The following FAM13C variants were observed in gnomAD, a reference collection of about 807,000 sequenced individuals.
The protein encoded by FAM13C is protein FAM13C.
FAM13C carries 37 observed loss-of-function variants against 73.2 expected under a neutral mutation model. The ratio of observed to expected loss-of-function variants is 0.51; its 90% CI spans 0.39 to 0.67. The LOEUF (loss-of-function observed/expected upper bound fraction) is 0.67. Ranked by LOEUF, FAM13C falls within the 30% of genes least tolerant of loss-of-function variation. The pLI is 0.00. For missense variants in FAM13C, 589 were observed against 715.6 expected, an observed-to-expected ratio of 0.82 and a Z score of 2.02; for synonymous variants, 246 against 260.9, an observed-to-expected ratio of 0.94 and a Z score of 0.55.
chr10:59,252,726 AG>A, intron 12 of FAM13C, 72 bp downstream of exon 12: 1 of 1,475,736 alleles, frequency 6.8e-7, no homozygotes, highest in Non-Finnish European at 9.4e-7. Context: ...TTCAAAGGCC[AG>A]CTCTACTTCA....
intron 4 of FAM13C, among the ~76,000 whole-genome samples, chr10:59,319,606 T>TA (rs1849956686): frequency 1.3e-5 from 2 of 152,178 alleles, no homozygotes; most frequent in Non-Finnish European, 2.9e-5. Flanking sequence ...GCTTTAGCTT[T>TA]AAAAATCAGT....
chr10:59,362,738 A>G (rs1856560688), upstream of FAM13C: 2 of 568,838 alleles, frequency 3.5e-6, no homozygotes, highest in Admixed American at 7.6e-5. Flanking sequence ...GCACCTGGAG[A>G]GTTACCACAC....
At chr10:59,308,966 C>T (rs149776083) in intron 4 of FAM13C, among the ~76,000 whole-genome samples, 1 of 152,326 alleles carries the variant, frequency 6.6e-6, no homozygotes, top group Non-Finnish European at 1.5e-5. Context: ...CAGTGTCAAA[C>T]TGCAGGATGT....
chr10:59,357,475 T>C (rs1400648260), intron 1 of FAM13C, among the ~76,000 whole-genome samples: 1 of 152,246 alleles, frequency 6.6e-6, no homozygotes, highest in Non-Finnish European at 1.5e-5. Context: ...AATTGAAATA[T>C]TAACTTTGTT....
At chr10:59,299,162 C>T (rs1847269286) in intron 5 of FAM13C, among the ~76,000 whole-genome samples, 2 of 152,086 alleles carry the variant, frequency 1.3e-5, no homozygotes, top group Non-Finnish European at 2.9e-5. Context: ...GTTGAATATG[C>T]AAATTTGCCT....
chr10:59,264,054 T>G, intron 9 of FAM13C, 31 bp downstream of exon 9: 5 of 1,594,274 alleles, frequency 3.1e-6, no homozygotes, highest in Non-Finnish European at 4.3e-6. Flanking sequence ...GCTTCCTTTG[T>G]GAGGAAAAAA....
In FAM13C at chr10:59,352,412, G is replaced by A. The variant is rs1490630780; in HGVS notation, c.182C>T (p.Pro61Leu). The A allele has an allele frequency of 1.9e-6, 3 of 1,613,870 alleles. No homozygotes were observed. The highest frequency in any genetic ancestry group is 4.5e-5 in the East Asian group (2 of 44,870). Reference protein sequence around the residue: ...AGALVEEHAPPSWEPQQQNVE... With the variant: ...AGALVEEHAPLSWEPQQQNVE... ...ATTCTGCTGCTGCGGCTCCCAAGAG[G>A]GCGGCGCGTGCTCTTCTACCAGAGC... The change falls in exon 3 of 14, where the codon CCC becomes CTC. Residue 61 changes from proline to leucine, a missense_variant. By Grantham distance (98) the Pro-to-Leu change is moderately conservative. Coordinates refer to ENST00000618804, the MANE Select transcript of FAM13C (RefSeq NM_198215.4).
At chr10:59,356,913 T>C (rs952658526) in intron 1 of FAM13C, among the ~76,000 whole-genome samples, 4 of 152,226 alleles carry the variant, frequency 2.6e-5, no homozygotes, top group African/African-American at 9.6e-5. Context: ...ACAGACTTGC[T>C]GAGCCATCTG....
At chr10:59,314,617 A>T (rs993050120) in intron 4 of FAM13C, among the ~76,000 whole-genome samples, 18 of 152,278 alleles carry the variant, frequency 1.2e-4, no homozygotes, top group African/African-American at 3.6e-4. Flanking sequence ...TGCTAAACTT[A>T]AGGCACTAAG....
chr10:59,288,165 A>G (rs932630456), intron 5 of FAM13C, among the ~76,000 whole-genome samples: 7 of 152,180 alleles, frequency 4.6e-5, no homozygotes, highest in African/African-American at 1.7e-4. Flanking sequence ...ATAGGAACAG[A>G]GGTATAATGC....
intron 11 of FAM13C, 192 bp downstream of exon 11, chr10:59,254,156 T>C (rs1052189172): frequency 7.5e-6 from 3 of 400,762 alleles, no homozygotes; most frequent in African/African-American, 6.2e-5. Flanking sequence ...TTACAATAGT[T>C]CTAATATCAG....
intron 4 of FAM13C, among the ~76,000 whole-genome samples, chr10:59,319,906 T>C (rs1350629847): frequency 6.6e-6 from 1 of 152,136 alleles, no homozygotes; most frequent in Non-Finnish European, 1.5e-5. Flanking sequence ...AATGAAAACA[T>C]GTCATCTGGG....
rs1237515157 is a variant in FAM13C at position 59,265,334 on chromosome 10, G to GA, written c.943-1169_943-1168insT. Among the ~76,000 whole-genome samples, 22 of 59,816 alleles carry GA rather than the reference G, an allele frequency of 3.7e-4. 5 individuals are homozygous for GA. Among genetic ancestry groups the GA allele is most frequent in the Non-Finnish European group, 8.3e-4 (20 of 24,002 alleles). 39.2% of individuals were successfully genotyped at this position (59,816 alleles called of 152,430 possible). On this transcript the variant is annotated intron_variant, in intron 8 of 13. Coordinates refer to ENST00000618804, the MANE Select transcript of FAM13C (RefSeq NM_198215.4). The stretch of plus-strand genomic sequence containing the variant: ...GAAGGGGTTTTGGCGGGGGGGGGGG[G>GA]GAATCCTGGTTTCAGGACCATGGAC...
intron 13 of FAM13C, 102 bp downstream of exon 13, chr10:59,251,473 C>T (rs1348101451): frequency 1.1e-6 from 1 of 946,868 alleles, no homozygotes; most frequent in South Asian, 1.3e-5. Context: ...AAATTATATA[C>T]ATTTTGTAAA....
At chr10:59,321,846 A>G (rs73299218) in intron 4 of FAM13C, among the ~76,000 whole-genome samples, 7,526 of 152,200 alleles carry the variant, frequency 0.049, 555 homozygotes, top group African/African-American at 0.16. Flanking sequence ...CCCAAGGAGT[A>G]AGGTGGCCTC....
chr10:59,268,361 G>C (rs1843320247), intron 8 of FAM13C, among the ~76,000 whole-genome samples, 192 bp downstream of exon 8: 1 of 152,094 alleles, frequency 6.6e-6, no homozygotes, highest in Non-Finnish European at 1.5e-5. Context: ...AAATATCCTA[G>C]CAGAGATCAA....
intron 1 of FAM13C, among the ~76,000 whole-genome samples, chr10:59,358,882 CAGAT>C (rs1332120763): frequency 2.6e-5 from 4 of 152,334 alleles, no homozygotes; most frequent in Admixed American, 6.5e-5. Flanking sequence ...TCCAAGCTCA[CAGAT>C]AGAGCAACTG....
intron 5 of FAM13C, among the ~76,000 whole-genome samples, chr10:59,289,090 G>A (rs889956832): frequency 2.8e-4 from 43 of 152,188 alleles, no homozygotes; most frequent in Non-Finnish European, 3.1e-4. Flanking sequence ...GATTGTTTTG[G>A]GATGAAACTG....
chr10:59,340,513 C>T (rs947003903), intron 3 of FAM13C, among the ~76,000 whole-genome samples: 1 of 152,136 alleles, frequency 6.6e-6, no homozygotes, highest in African/African-American at 2.4e-5. Context: ...AAGAATGACT[C>T]TAACACCCAG....
Sources: allele counts gnomAD v4.1 joint callset (sites outside exome capture counted in the v4.1 genomes callset), GRCh38; gene constraint gnomAD v4.1.1; transcripts MANE v1.5; gene names NCBI Gene and HGNC (gene_info 2026-07-23, HGNC 2026-07-21).